Variants in VTI1A observed in about 807,000 individuals in gnomAD.
VTI1A encodes the protein vesicle transport through interaction with t-SNAREs 1A, also known as vesicle transport through interaction with t-SNAREs homolog 1A.
In VTI1A, 22 loss-of-function variants were observed where a neutral mutation model predicts 34.9. The observed-to-expected ratio is 0.63, with a 90% CI of 0.45 to 0.90. The LOEUF (loss-of-function observed/expected upper bound fraction) is 0.90, where lower values mean the gene tolerates loss of function less well. Ranked by LOEUF, VTI1A falls within the 40% of genes least tolerant of loss-of-function variation. The pLI, the probability that VTI1A is intolerant of heterozygous loss-of-function variation, is 0.00. For missense variants in VTI1A, 268 were observed against 275.6 expected (o/e 0.97, Z 0.20); for synonymous variants, 87 against 97.3 (o/e 0.89, Z 0.62).
chr10:112,719,568 CAG>C (rs2133937108), intron 7 of VTI1A, among the ~76,000 whole-genome samples: 1 of 149,804 alleles, frequency 6.7e-6, no homozygotes, highest in African/African-American at 2.5e-5. Flanking sequence ...TTTTTTGAGG[CAG>C]AGATTTGCTC....
At chr10:112,520,166 T>C (rs1279956553) in intron 3 of VTI1A, among the ~76,000 whole-genome samples, 2 of 152,030 alleles carry the variant, frequency 1.3e-5, no homozygotes, top group Non-Finnish European at 2.9e-5. Flanking sequence ...ATCAAAAGAC[T>C]TTAAAGGATG....
At chr10:112,752,487 A>C in intron 7 of VTI1A, 1 of 985,444 alleles carries the variant, frequency 1.0e-6, no homozygotes, top group South Asian at 4.7e-5. Context: ...TCTGTTGCTC[A>C]AACTTTTTGA....
intron 5 of VTI1A, among the ~76,000 whole-genome samples, chr10:112,560,064 G>C (rs1851671461): frequency 6.6e-6 from 1 of 152,174 alleles, no homozygotes; most frequent in African/African-American, 2.4e-5. Flanking sequence ...AGTAATTGCA[G>C]TGCTGACTCT....
At chr10:112,691,556 G>A (rs1848618548) in intron 7 of VTI1A, among the ~76,000 whole-genome samples, 1 of 152,114 alleles carries the variant, frequency 6.6e-6, no homozygotes, top group Admixed American at 6.5e-5. Flanking sequence ...AATTGGAGGT[G>A]GTTGAGGGCT....
At chr10:112,660,863 CTCT>C (rs1286719684) in intron 5 of VTI1A, among the ~76,000 whole-genome samples, 1 of 152,134 alleles carries the variant, frequency 6.6e-6, no homozygotes, top group Admixed American at 6.5e-5. Context: ...TGTTTACCTC[CTCT>C]TCATCTTTTG....
chr10:112,500,345 G>T (rs891773349), intron 3 of VTI1A, among the ~76,000 whole-genome samples: 1 of 151,732 alleles, frequency 6.6e-6, no homozygotes, highest in Non-Finnish European at 1.5e-5. Context: ...TGAGGCAGGA[G>T]AATTGCTTGA....
chr10:112,625,678 A>T (rs982034152), intron 5 of VTI1A, among the ~76,000 whole-genome samples: 7 of 149,460 alleles, frequency 4.7e-5, no homozygotes, highest in Non-Finnish European at 1.0e-4. Context: ...ATATCTTCTC[A>T]CTCATAAGTA....
At chr10:112,653,027 A>G (rs1847095902) in intron 5 of VTI1A, among the ~76,000 whole-genome samples, 1 of 152,228 alleles carries the variant, frequency 6.6e-6, no homozygotes, top group Non-Finnish European at 1.5e-5. Context: ...ACCTGAGCAT[A>G]GGGGCTCAAG....
intron 5 of VTI1A, among the ~76,000 whole-genome samples, chr10:112,623,775 G>C (rs1234368806): frequency 6.6e-6 from 1 of 152,132 alleles, no homozygotes; most frequent in Admixed American, 6.5e-5. Context: ...ATACTGCGAG[G>C]GTTTCCAGCT....
rs904412911 is a variant in VTI1A at position 112,741,718 on chromosome 10, C to A, written c.560+72720C>A. On this transcript the variant is annotated intron_variant, in intron 7 of 7. Coordinates refer to ENST00000393077, the MANE Select transcript of VTI1A (RefSeq NM_145206.4). ...ATTATACTTAAAATTAGGATATCTT[C>A]AAAAATCAACATATCTGAACTTTTT... Among the ~76,000 whole-genome samples, 7 of 151,968 alleles carry A rather than the reference C, an allele frequency of 4.6e-5. No homozygotes were observed. The East Asian group carries it at 5.8e-4, about 13-fold the overall frequency.
At chr10:112,596,222 T>G (rs1440409813) in intron 5 of VTI1A, among the ~76,000 whole-genome samples, 2 of 151,968 alleles carry the variant, frequency 1.3e-5, no homozygotes, top group Non-Finnish European at 2.9e-5. Context: ...AAATGATGGG[T>G]TACTGGGTGC....
At chr10:112,634,948 G>A (rs1374839000) in intron 5 of VTI1A, among the ~76,000 whole-genome samples, 5 of 152,146 alleles carry the variant, frequency 3.3e-5, no homozygotes, top group Non-Finnish European at 7.3e-5. Flanking sequence ...CCTGGACTGA[G>A]TGGCCAACAT....
chr10:112,760,926 A>G (rs1057299611), intron 7 of VTI1A, among the ~76,000 whole-genome samples: 3 of 152,128 alleles, frequency 2.0e-5, no homozygotes, highest in Non-Finnish European at 4.4e-5. Context: ...GTTGGAAACA[A>G]TACAGATGTT....
intron 4 of VTI1A, chr10:112,533,597 T>A: frequency 1.0e-6 from 1 of 997,450 alleles, no homozygotes; most frequent in Non-Finnish European, 1.2e-6. Flanking sequence ...TGCTTTTCCC[T>A]ATAAAATTGA....
intron 3 of VTI1A, among the ~76,000 whole-genome samples, chr10:112,508,524 G>A (rs533784091): frequency 2.6e-5 from 4 of 152,222 alleles, no homozygotes; most frequent in South Asian, 4.2e-4. Flanking sequence ...GACTTCAAGG[G>A]AACCTGTTAA....
intron 3 of VTI1A, among the ~76,000 whole-genome samples, chr10:112,491,372 A>G (rs192265723): frequency 3.3e-5 from 5 of 152,290 alleles, no homozygotes; most frequent in Admixed American, 2.0e-4. Context: ...AAGGCCAGTT[A>G]CTTTCTCTCT....
chr10:112,718,210 A>G (rs886253762), intron 7 of VTI1A, among the ~76,000 whole-genome samples: 16 of 152,194 alleles, frequency 1.1e-4, no homozygotes, highest in African/African-American at 2.9e-4. Context: ...AACCCCTGCA[A>G]ACTAGAGACT....
the VTI1A span, among the ~76,000 whole-genome samples, chr10:112,829,444 G>A: frequency 9.9e-5 from 13 of 131,978 alleles, no homozygotes; most frequent in Non-Finnish European, 8.1e-5. Context: ...ACTCCGTCTC[G>A]AAAAAAAAAA....
At chr10:112,748,382 T>C (rs1424619784) in intron 7 of VTI1A, among the ~76,000 whole-genome samples, 2 of 152,056 alleles carry the variant, frequency 1.3e-5, no homozygotes, top group Non-Finnish European at 2.9e-5. Flanking sequence ...TTAAATTAAC[T>C]CTATTTTATT....
Sources: allele counts gnomAD v4.1 joint callset (sites outside exome capture counted in the v4.1 genomes callset), GRCh38; gene constraint gnomAD v4.1.1; transcripts MANE v1.5; gene names NCBI Gene and HGNC (gene_info 2026-07-23, HGNC 2026-07-21).